The following BAIAP2L2 variants were observed in gnomAD, a reference collection of about 807,000 sequenced individuals.
BAIAP2L2 encodes the protein BAR/IMD domain containing adaptor protein 2 like 2.
In BAIAP2L2, 65 loss-of-function variants were observed where a neutral mutation model predicts 60.4. That is an observed-to-expected ratio of 1.08 (90% CI 0.88 to 1.32). BAIAP2L2 has a LOEUF of 1.32. BAIAP2L2 is among the 40% of genes most tolerant of loss of function. BAIAP2L2 has a pLI of 0.00. For synonymous variants in BAIAP2L2, 344 were observed against 301.7 expected, an observed-to-expected ratio of 1.14 and a Z score of -1.45; for missense variants, 836 against 741.2, an observed-to-expected ratio of 1.13 and a Z score of -1.48.
intron 12 of BAIAP2L2, 43 bp from the exon 13 acceptor site, chr22:38,085,775 G>GCAAGCAATCCCTTGCT (rs775942414): frequency 1.3e-6 from 2 of 1,525,702 alleles, no homozygotes; most frequent in Admixed American, 3.8e-5. Context: ...GGGGAGAGGG[G>GCAAGCAATCCCTTGCT]CAAGCAATCC....
At position 38,098,196 on chromosome 22, in the gene BAIAP2L2, T is replaced by A. The variant is rs374968109; in HGVS notation, c.349-17A>T. 36 of 1,612,000 alleles carry A rather than the reference T, an allele frequency of 2.2e-5. No homozygotes were observed. The African/African-American group carries it at 4.7e-4, about 21-fold the overall frequency. ...GCGGCTGTCCTGGGGTAGGGTGGAG[T>A]CGGGGAGGGAGAATCCCCCCACATC... On this transcript the variant is annotated splice_polypyrimidine_tract_variant and intron_variant, in intron 5 of 13. Coordinates refer to ENST00000381669, the MANE Select transcript of BAIAP2L2 (RefSeq NM_025045.6).
Position 38,085,048 on chromosome 22 carries a change from A to G in BAIAP2L2, c.*252T>C, listed in dbSNP as rs1264225491. On this transcript the variant is annotated 3_prime_UTR_variant, in exon 14 of 14. Coordinates refer to ENST00000381669, the MANE Select transcript of BAIAP2L2 (RefSeq NM_025045.6). ...GGGGCAAGAGGTGGGCCCCCCAGGG[A>G]GAGTCCTGGAGCCCCTGGAGGGGGA... 6.3e-6 allele frequency: 3 copies of G among 474,022 alleles called. No homozygotes were observed. Among genetic ancestry groups the G allele is most frequent in the East Asian group, 3.9e-5 (1 of 25,638 alleles). 29.4% of individuals were successfully genotyped at this position (474,022 alleles called of 1,614,324 possible). A position where few individuals can be genotyped will look rare whatever the true frequency, so the allele number is the denominator to read the frequency against.
chr22:38,102,483 C>T (rs999285939), intron 4 of BAIAP2L2, among the ~76,000 whole-genome samples: 2 of 152,112 alleles, frequency 1.3e-5, no homozygotes, highest in Admixed American at 1.3e-4. Flanking sequence ...CAGGAAAAAA[C>T]CTACTTTTCC....
At chr22:38,108,391 C>T (rs1448761314) in intron 2 of BAIAP2L2, 50 bp from the exon 3 acceptor site, 1 of 1,412,110 alleles carries the variant, frequency 7.1e-7, no homozygotes, top group Non-Finnish European at 9.8e-7. Context: ...CTGCCCCACC[C>T]TTCTGGAGGC....
At chr22:38,092,657 T>C (rs2086333327) in intron 7 of BAIAP2L2, among the ~76,000 whole-genome samples, 2 of 152,174 alleles carry the variant, frequency 1.3e-5, no homozygotes, top group African/African-American at 2.4e-5. Flanking sequence ...CTTGGATGTT[T>C]TAAAGTCCAG....
At chr22:38,099,676 C>A (rs1278954256) in intron 4 of BAIAP2L2, among the ~76,000 whole-genome samples, 3 of 152,182 alleles carry the variant, frequency 2.0e-5, no homozygotes, top group Non-Finnish European at 4.4e-5. Context: ...TGTTGTTGGG[C>A]AGTTGGACCT....
chr22:38,089,024 G>A, intron 9 of BAIAP2L2, 60 bp from the exon 10 acceptor site: 1 of 1,449,734 alleles, frequency 6.9e-7, no homozygotes. Context: ...GTCTGCCCTC[G>A]ATCCCTCCTG....
rs1601977307 is a variant in BAIAP2L2 at position 38,085,123 on chromosome 22, A to G, written c.*177T>C. On this transcript the variant is annotated 3_prime_UTR_variant, in exon 14 of 14. Transcript: ENST00000381669. ...GCCTGCTTTACTTTGAAGGTCTCGG[A>G]CCCCAAGCCAGTGCTTTGGAGCTGC... The G allele has an allele frequency of 4.9e-6, 3 of 608,046 alleles. No individual in the cohort carries two copies. The East Asian group carries it at 8.8e-5, about 18-fold the overall frequency. 37.7% of individuals were successfully genotyped at this position (608,046 alleles called of 1,614,324 possible).
chr22:38,088,637 C>T (rs2086172478), intron 10 of BAIAP2L2, 111 bp downstream of exon 10: 7 of 1,136,792 alleles, frequency 6.2e-6, no homozygotes, highest in East Asian at 2.7e-5. Context: ...GAGCATTGTC[C>T]GAGGCCCCCG....
chr22:38,093,648 T>C (rs1002227023), intron 7 of BAIAP2L2, among the ~76,000 whole-genome samples: 1 of 152,188 alleles, frequency 6.6e-6, no homozygotes, highest in African/African-American at 2.4e-5. Context: ...CGGAAATCAA[T>C]ATTGCAATCA....
intron 1 of BAIAP2L2, among the ~76,000 whole-genome samples, chr22:38,110,111 G>A (rs374127549): frequency 3.0e-5 from 1 of 33,236 alleles, no homozygotes; most frequent in Admixed American, 2.8e-4. Flanking sequence ...GAGAGAGGGA[G>A]AGAGAGAGGG....
At chr22:38,110,170 G>GGAGAGAGAGAGAGAGAGA (rs2086810364) in intron 1 of BAIAP2L2, among the ~76,000 whole-genome samples, 1 of 78,850 alleles carries the variant, frequency 1.3e-5, no homozygotes, top group Admixed American at 1.2e-4. Context: ...AGAGAGAGAG[G>GGAGAGAGAGAGAGAGAGA]GAGGGTCTTT....
In BAIAP2L2 at chr22:38,110,157, C is replaced by CAGAGAGAGAGAGGGAGAGAG. The variant is rs1569234670; in HGVS notation, c.51+317_51+318insCTCTCTCCCTCTCTCTCTCT. On this transcript the variant is annotated intron_variant, in intron 1 of 13. Transcript: ENST00000381669. ...AGAGAGAGAGAGAGAGAGGGAGAGA[C>CAGAGAGAGAGAGGGAGAGAG]AGAGAGAGAGAGGGAGGGTCTTTCT... Among the ~76,000 whole-genome samples, 30 of 33,600 alleles carry CAGAGAGAGAGAGGGAGAGAG rather than the reference C, an allele frequency of 8.9e-4. 2 individuals are homozygous for CAGAGAGAGAGAGGGAGAGAG. Among genetic ancestry groups the CAGAGAGAGAGAGGGAGAGAG allele is most frequent in the Admixed American group, 2.6e-3 (9 of 3,508 alleles). 22.0% of individuals were successfully genotyped at this position (33,600 alleles called of 152,430 possible). A position where few individuals can be genotyped will look rare whatever the true frequency, so the allele number is the denominator to read the frequency against.
chr22:38,089,477 G>GGGCGGCGGGGGCGCGAAC (rs964386451), intron 8 of BAIAP2L2, 45 bp downstream of exon 8: 11 of 1,115,950 alleles, frequency 9.9e-6, no homozygotes, highest in Non-Finnish European at 1.2e-5. Flanking sequence ...CCCCCGCGGG[G>GGGCGGCGGGGGCGCGAAC]GGCGGCGGGG....
chr22:38,098,151 T>A lies in BAIAP2L2; in HGVS notation c.377A>T (p.Tyr126Phe), dbSNP rs1358729811. 1.9e-6 allele frequency: 3 copies of A among 1,614,040 alleles called. No homozygotes were observed. The highest frequency in any genetic ancestry group is 1.3e-5 in the African/African-American group (1 of 75,040). The change falls in exon 6 of 14, where the codon TAC (tyrosine) becomes TTC (phenylalanine). Residue 126 changes from tyrosine to phenylalanine, a missense_variant. Transcript: ENST00000381669. ...KDSRQHYELE[Y>F]RHRAANLEKC... Reference sequence around the variant, plus strand: ...CTCCAGGTTGGCCGCTCGGTGGCGGTACTCGAGCTCATAGTGCTGGCGGCT... The same window carrying A: ...CTCCAGGTTGGCCGCTCGGTGGCGGAACTCGAGCTCATAGTGCTGGCGGCT...
At chr22:38,085,608 C>T in intron 13 of BAIAP2L2, 78 bp downstream of exon 13, 2 of 1,504,046 alleles carry the variant, frequency 1.3e-6, no homozygotes, top group Non-Finnish European at 1.8e-6. Context: ...CCCAGTCTCC[C>T]TAGTAGCTGG....
chr22:38,085,254 C>G lies in BAIAP2L2; in HGVS notation c.*46G>C. ...TGTCGCTGCCATTGCCAGCTCTGAA[C>G]AGCCCCTGGGCAGGTGCACTGTGGG... On this transcript the variant is annotated 3_prime_UTR_variant, in exon 14 of 14. Coordinates refer to ENST00000381669, the MANE Select transcript of BAIAP2L2 (RefSeq NM_025045.6). 1 of 1,582,072 alleles carries G rather than the reference C, an allele frequency of 6.3e-7. No homozygotes were observed. Among genetic ancestry groups the G allele is most frequent in the Non-Finnish European group, 8.7e-7 (1 of 1,152,566 alleles).
intron 4 of BAIAP2L2, among the ~76,000 whole-genome samples, chr22:38,104,901 C>T (rs900438153): frequency 3.3e-5 from 5 of 151,904 alleles, no homozygotes; most frequent in South Asian, 2.1e-4. Flanking sequence ...CTCAGACCAG[C>T]GGCCGCTTTT....
At chr22:38,110,150 G>GAGAGAGAGA (rs2086807545) in intron 1 of BAIAP2L2, among the ~76,000 whole-genome samples, 5 of 30,488 alleles carry the variant, frequency 1.6e-4, no homozygotes, top group Non-Finnish European at 3.0e-4. Flanking sequence ...AGAGAGAGAG[G>GAGAGAGAGA]GAGAGACAGA....
Sources: gnomAD v4.1 joint callset for allele counts (sites outside exome capture counted in the v4.1 genomes callset) on GRCh38, gnomAD v4.1.1 for gene constraint, MANE v1.5 for transcripts, NCBI Gene and HGNC (gene_info 2026-07-23, HGNC 2026-07-21) for gene names.